DYNC1I1: variants seen among roughly 807,000 people sequenced by gnomAD.
DYNC1I1 encodes cytoplasmic dynein 1 intermediate chain 1.
DYNC1I1 carries 43 observed loss-of-function variants against 86.6 expected under a neutral mutation model. That is an observed-to-expected ratio of 0.50 (90% CI 0.39 to 0.64). The LOEUF is 0.64. Among genes scored for constraint, DYNC1I1 ranks in the 30% least tolerant of loss-of-function variants. DYNC1I1 has a pLI of 0.00. For missense variants in DYNC1I1, 604 were observed against 788.8 expected, an observed-to-expected ratio of 0.77 and a Z score of 2.81; for synonymous variants, 262 against 283.7, an observed-to-expected ratio of 0.92 and a Z score of 0.77.
intron 16 of DYNC1I1, among the ~76,000 whole-genome samples, chr7:96,092,925 T>G (rs1467616727): frequency 6.6e-6 from 1 of 152,106 alleles, no homozygotes; most frequent in Non-Finnish European, 1.5e-5. Flanking sequence ...TGCTGGCATT[T>G]CTCAAAGGGG....
chr7:95,865,259 T>C (rs1789987580), intron 5 of DYNC1I1, among the ~76,000 whole-genome samples: 1 of 152,208 alleles, frequency 6.6e-6, no homozygotes, highest in South Asian at 2.1e-4. Flanking sequence ...ACTTAAAGCA[T>C]TATAGTTCAG....
At chr7:95,878,769 T>C (rs1434018244) in intron 6 of DYNC1I1, among the ~76,000 whole-genome samples, 3 of 152,086 alleles carry the variant, frequency 2.0e-5, no homozygotes, top group Non-Finnish European at 4.4e-5. Flanking sequence ...AATAGTTCCA[T>C]AGACACAGCA....
intron 5 of DYNC1I1, among the ~76,000 whole-genome samples, chr7:95,861,844 A>T (rs1789889666): frequency 6.6e-6 from 1 of 152,152 alleles, no homozygotes; most frequent in African/African-American, 2.4e-5. Context: ...TCTCCCCTTG[A>T]ATCCATCCTT....
intron 10 of DYNC1I1, among the ~76,000 whole-genome samples, chr7:95,998,386 TG>T (rs1793924232): frequency 1.3e-5 from 2 of 152,256 alleles, no homozygotes; most frequent in Admixed American, 1.3e-4. Flanking sequence ...CGATTAGACA[TG>T]GTTCTAGACG....
At chr7:95,987,889 G>GA (rs1205548607) in intron 9 of DYNC1I1, among the ~76,000 whole-genome samples, 2 of 152,134 alleles carry the variant, frequency 1.3e-5, no homozygotes, top group African/African-American at 4.8e-5. Flanking sequence ...GCCTAAAGCA[G>GA]AACTTTCATC....
chr7:96,100,141 C>A (rs908467136), downstream of DYNC1I1, among the ~76,000 whole-genome samples: 1 of 152,218 alleles, frequency 6.6e-6, no homozygotes, highest in African/African-American at 2.4e-5. Context: ...GGTCATGCTT[C>A]CTGCATGCTC....
intron 10 of DYNC1I1, among the ~76,000 whole-genome samples, chr7:96,007,330 C>T (rs1322088555): frequency 1.3e-5 from 2 of 152,144 alleles, no homozygotes; most frequent in East Asian, 1.9e-4. Context: ...GGATACTTAT[C>T]CTGAGGGATC....
chr7:95,799,927 T>C (rs2115769090), intron 1 of DYNC1I1, among the ~76,000 whole-genome samples: 1 of 151,798 alleles, frequency 6.6e-6, no homozygotes, highest in Non-Finnish European at 1.5e-5. Flanking sequence ...CAGGGTAAAC[T>C]AATGGTAATA....
chr7:95,866,258 T>A (rs772754462), intron 5 of DYNC1I1, among the ~76,000 whole-genome samples: 4 of 152,338 alleles, frequency 2.6e-5, no homozygotes, highest in Non-Finnish European at 5.9e-5. Flanking sequence ...CCTTTCATTA[T>A]GTCCTAACAA....
chr7:95,997,470 G>T (rs1385028170), intron 10 of DYNC1I1, among the ~76,000 whole-genome samples: 2 of 151,824 alleles, frequency 1.3e-5, no homozygotes, highest in Admixed American at 6.6e-5. Flanking sequence ...TCTTTATCAT[G>T]ATTTTTAAAT....
chr7:96,109,660 T>C (rs1791279940), intron 16 of DYNC1I1, among the ~76,000 whole-genome samples: 1 of 152,164 alleles, frequency 6.6e-6, no homozygotes, highest in Admixed American at 6.5e-5. Flanking sequence ...TGTATAGAAG[T>C]ATATGGTTTA....
intron 7 of DYNC1I1, among the ~76,000 whole-genome samples, chr7:95,978,801 A>C (rs1160373138): frequency 6.9e-6 from 1 of 145,642 alleles, no homozygotes; most frequent in African/African-American, 2.6e-5. Flanking sequence ...TAAATGGGAC[A>C]ATTTTTTTTT....
At chr7:95,888,407 A>G (rs1231708041) in intron 6 of DYNC1I1, among the ~76,000 whole-genome samples, 1 of 152,216 alleles carries the variant, frequency 6.6e-6, no homozygotes, top group East Asian at 1.9e-4. Context: ...ATTTTAGTCC[A>G]GCCTGGGCAA....
intron 2 of DYNC1I1, among the ~76,000 whole-genome samples, chr7:95,809,360 T>C (rs1160353911): frequency 6.6e-6 from 1 of 152,168 alleles, no homozygotes; most frequent in Non-Finnish European, 1.5e-5. Context: ...AATGTACTTG[T>C]TAGCATACCC....
intron 14 of DYNC1I1, among the ~76,000 whole-genome samples, chr7:96,053,610 A>G (rs1395020571): frequency 6.6e-6 from 1 of 152,216 alleles, no homozygotes; most frequent in Non-Finnish European, 1.5e-5. Flanking sequence ...TGGCAAGACA[A>G]AAAGACAGAG....
At chr7:95,785,540 C>A (rs1794108047) in intron 1 of DYNC1I1, among the ~76,000 whole-genome samples, 1 of 151,916 alleles carries the variant, frequency 6.6e-6, no homozygotes, top group South Asian at 2.1e-4. Context: ...ACTCAGTAAT[C>A]TCCTAATGTA....
At chr7:95,846,200 C>T (rs1789421183) in intron 5 of DYNC1I1, among the ~76,000 whole-genome samples, 1 of 151,998 alleles carries the variant, frequency 6.6e-6, no homozygotes, top group Non-Finnish European at 1.5e-5. Flanking sequence ...ACTTCTGTAC[C>T]TTCCATCCTT....
At chr7:95,785,761 A>C (rs1195704902) in intron 1 of DYNC1I1, among the ~76,000 whole-genome samples, 1 of 126,734 alleles carries the variant, frequency 7.9e-6, no homozygotes, top group South Asian at 2.4e-4. Context: ...GTATGTATAT[A>C]TATGTGTGTA....
rs141558871 is a variant in DYNC1I1, at chr7:95,865,798, G to C, written c.375-4085G>C. 8.5e-3 allele frequency among the ~76,000 whole-genome samples: 1,296 copies of C among 152,286 alleles called. 48 individuals carry two copies. Among genetic ancestry groups the C allele is most frequent in the Admixed American group, 0.068 (1,043 of 15,300 alleles). On this transcript the variant is annotated intron_variant, in intron 5 of 16. Coordinates refer to ENST00000447467, the MANE Select transcript of DYNC1I1 (RefSeq NM_001135556.2). The stretch of plus-strand genomic sequence containing the variant: ...CTATCCCATCTAGCCTAGACGTATA[G>C]TAGGCCATACCATCTAGGTTTGCGT...
Sources: allele counts gnomAD v4.1 joint callset (sites outside exome capture counted in the v4.1 genomes callset), GRCh38; gene constraint gnomAD v4.1.1; transcripts MANE v1.5; gene names NCBI Gene and HGNC (gene_info 2026-07-23, HGNC 2026-07-21).